GUCA1C: variants seen among roughly 807,000 people sequenced by gnomAD.
GUCA1C encodes guanylyl cyclase-activating protein 3.
In GUCA1C, 15 loss-of-function variants were observed where a neutral mutation model predicts 16.2. That is an observed-to-expected ratio of 0.93 (90% CI 0.62 to 1.43). GUCA1C has a LOEUF of 1.43. Ranked by LOEUF, GUCA1C falls within the 40% of genes most tolerant of loss-of-function variation. The pLI is 0.00. For missense variants in GUCA1C, 275 were observed against 244.8 expected, an observed-to-expected ratio of 1.12 and a Z score of -0.82; for synonymous variants, 78 against 85.4, an observed-to-expected ratio of 0.91 and a Z score of 0.48.
chr3:108,945,667 T>C (rs1297332713), intron 1 of GUCA1C, among the ~76,000 whole-genome samples: 1 of 152,212 alleles, frequency 6.6e-6, no homozygotes, highest in Non-Finnish European at 1.5e-5. Flanking sequence ...TAAAGCATCC[T>C]GTTTTTAAGC....
intron 1 of GUCA1C, among the ~76,000 whole-genome samples, chr3:108,938,001 C>A (rs966297293): frequency 2.0e-5 from 3 of 151,192 alleles, no homozygotes; most frequent in African/African-American, 7.3e-5. Context: ...ACCCGGGAGG[C>A]GGAGGTTGCA....
In GUCA1C at chr3:108,913,389, A is replaced by G. The variant is rs553472822; in HGVS notation, c.442+2738T>C. Among the ~76,000 whole-genome samples the G allele has an allele frequency of 1.4e-4, 21 of 152,264 alleles. No individual in the cohort carries two copies. The South Asian group carries it at 4.4e-3, about 32-fold the overall frequency. On this transcript the variant is annotated intron_variant, in intron 3 of 3. Coordinates refer to ENST00000261047, the MANE Select transcript of GUCA1C (RefSeq NM_005459.4). ...CAGAGTTTAGCTTTTACAAATGTGA[A>G]TAGACATTCTCCTCTGTGGTGCTAA...
At chr3:108,939,843 A>G (rs75124101) in intron 1 of GUCA1C, among the ~76,000 whole-genome samples, 2,564 of 152,258 alleles carry the variant, frequency 0.017, 66 homozygotes, top group African/African-American at 0.058. Context: ...CAGCTTAAAA[A>G]ACAAAACATT....
At chr3:108,931,355 C>T (rs1946664247) in intron 1 of GUCA1C, among the ~76,000 whole-genome samples, 1 of 152,210 alleles carries the variant, frequency 6.6e-6, no homozygotes, top group Non-Finnish European at 1.5e-5. Context: ...GCTTTAAGAG[C>T]TCTGGGCAAG....
Position 108,937,153 on chromosome 3 carries a change from A to C in GUCA1C, c.204+16406T>G, listed in dbSNP as rs549287504. 6.0e-5 allele frequency among the ~76,000 whole-genome samples: 9 copies of C among 151,090 alleles called. No homozygotes were observed. The South Asian group carries it at 1.9e-3, about 32-fold the overall frequency. Reference sequence around the variant, plus strand: ...GACCTTGTTGTTAATCTTCACCCACACTCTCGGCCAGGAATCCACAGCTGG... The same window carrying C: ...GACCTTGTTGTTAATCTTCACCCACCCTCTCGGCCAGGAATCCACAGCTGG... On this transcript the variant is annotated intron_variant, in intron 1 of 3. Transcript: ENST00000261047.
In GUCA1C at chr3:108,953,773, A is replaced by G. The variant is rs772831447; in HGVS notation, c.-11T>C. The stretch of plus-strand genomic sequence containing the variant: ...TTTGCCATTCCCCATCTTGACTCAC[A>G]GTCTACAGCTTTTCCTCAGGTTGTT... On this transcript the variant is annotated 5_prime_UTR_variant, in exon 1 of 4. Coordinates refer to ENST00000261047, the MANE Select transcript of GUCA1C (RefSeq NM_005459.4). 1 of 1,598,410 alleles carries G rather than the reference A, an allele frequency of 6.3e-7. No homozygotes were observed. Among genetic ancestry groups the G allele is most frequent in the Non-Finnish European group, 8.6e-7 (1 of 1,165,768 alleles).
At chr3:108,948,584 C>T (rs1041835485) in intron 1 of GUCA1C, among the ~76,000 whole-genome samples, 1 of 152,144 alleles carries the variant, frequency 6.6e-6, no homozygotes, top group Non-Finnish European at 1.5e-5. Flanking sequence ...CTTTGCATGT[C>T]TTTATTCTCT....
intron 3 of GUCA1C, among the ~76,000 whole-genome samples, chr3:108,908,659 G>T (rs1398255133): frequency 3.9e-5 from 6 of 152,152 alleles, no homozygotes; most frequent in Non-Finnish European, 8.8e-5. Context: ...CTGTGAGAAA[G>T]CTTCAACATG....
chr3:108,949,278 A>G (rs916070501), intron 1 of GUCA1C, among the ~76,000 whole-genome samples: 2 of 152,210 alleles, frequency 1.3e-5, no homozygotes, highest in African/African-American at 4.8e-5. Flanking sequence ...GTGTGGAAGG[A>G]AACAGGGAGG....
chr3:108,942,543 C>A (rs895920141), intron 1 of GUCA1C, among the ~76,000 whole-genome samples: 1 of 152,224 alleles, frequency 6.6e-6, no homozygotes, highest in African/African-American at 2.4e-5. Flanking sequence ...TAGCCCCACA[C>A]AACCCTAATA....
At chr3:108,910,649 TC>T (rs530504010) in intron 3 of GUCA1C, among the ~76,000 whole-genome samples, 118 of 151,672 alleles carry the variant, frequency 7.8e-4, no homozygotes, top group African/African-American at 2.6e-3. Context: ...AATTTTTTTT[TC>T]TTCTTCTTCT....
At chr3:108,917,312 T>C (rs888680321) in intron 2 of GUCA1C, among the ~76,000 whole-genome samples, 1 of 152,112 alleles carries the variant, frequency 6.6e-6, no homozygotes, top group Non-Finnish European at 1.5e-5. Context: ...AATTGTGAGA[T>C]CTTGATTTGT....
chr3:108,946,493 T>A (rs909288161), intron 1 of GUCA1C, among the ~76,000 whole-genome samples: 4 of 152,170 alleles, frequency 2.6e-5, no homozygotes, highest in Non-Finnish European at 5.9e-5. Flanking sequence ...GACTTCCTTG[T>A]TATACATGGA....
intron 3 of GUCA1C, among the ~76,000 whole-genome samples, chr3:108,909,519 A>G (rs1170458601): frequency 6.6e-6 from 1 of 152,214 alleles, no homozygotes; most frequent in Non-Finnish European, 1.5e-5. Flanking sequence ...CCCAACCCCA[A>G]AGACTTTTCA....
intron 3 of GUCA1C, among the ~76,000 whole-genome samples, chr3:108,913,543 T>A (rs983118862): frequency 1.3e-5 from 2 of 152,124 alleles, no homozygotes; most frequent in African/African-American, 4.8e-5. Context: ...TGTCTTTGAT[T>A]ACACTGGGCT....
At chr3:108,917,330 C>T (rs1461378466) in intron 2 of GUCA1C, among the ~76,000 whole-genome samples, 1 of 149,870 alleles carries the variant, frequency 6.7e-6, no homozygotes, top group Non-Finnish European at 1.5e-5. Context: ...TGTTCATCAC[C>T]AATCTTCAGG....
Position 108,908,144 on chromosome 3 carries a change from A to C in GUCA1C, c.508T>G (p.Tyr170Asp). Residue 170 changes from tyrosine to aspartate, a missense_variant, in exon 4 of 4, where the codon TAC becomes GAC. Tyr to Asp is a radical substitution (Grantham distance 160, BLOSUM62 -3). Coordinates refer to ENST00000261047, the MANE Select transcript of GUCA1C (RefSeq NM_005459.4). ...AKDQDLLEIVYKSFDFSNVLR... is the reference protein window; with the variant it reads ...AKDQDLLEIVDKSFDFSNVLR... ...ACATTGGAGAAGTCGAAGCTCTTGT[A>C]AACAATCTCCAGGAGATCCTGATCT... The C allele has an allele frequency of 2.5e-6, 4 of 1,613,782 alleles. No individual in the cohort carries two copies. Among genetic ancestry groups the C allele is most frequent in the Non-Finnish European group, 3.4e-6 (4 of 1,179,670 alleles).
intron 1 of GUCA1C, among the ~76,000 whole-genome samples, chr3:108,922,484 C>A (rs1946578952): frequency 2.0e-5 from 3 of 152,104 alleles, no homozygotes; most frequent in Admixed American, 2.0e-4. Context: ...CTTTTCTCTG[C>A]ATCCACACCA....
intron 1 of GUCA1C, among the ~76,000 whole-genome samples, chr3:108,935,534 G>GAA (rs35237284): frequency 0.033 from 4,711 of 144,058 alleles, 107 homozygotes; most frequent in Middle Eastern, 0.12. Flanking sequence ...ACTAAAAATA[G>GAA]AAAAAAAAAA....
Sources: gnomAD v4.1 joint callset for allele counts (sites outside exome capture counted in the v4.1 genomes callset) on GRCh38, gnomAD v4.1.1 for gene constraint, MANE v1.5 for transcripts, NCBI Gene and HGNC (gene_info 2026-07-23, HGNC 2026-07-21) for gene names.